Variants in IQSEC1 observed in about 807,000 individuals in gnomAD.
The protein encoded by IQSEC1 is IQ motif and Sec7 domain ArfGEF 1.
In IQSEC1, 31 loss-of-function variants were observed where a neutral mutation model predicts 91.0. That is an observed-to-expected ratio of 0.34 (90% confidence interval 0.26 to 0.46). IQSEC1 has a LOEUF of 0.46. IQSEC1 is among the 20% of genes least tolerant of loss of function. The pLI is 1.00. For synonymous variants in IQSEC1, 699 were observed against 662.6 expected (o/e 1.05, Z -0.84); for missense variants, 1,388 against 1,575.6 (o/e 0.88, Z 2.02).
chr3:12,906,763 C>G (rs1007355502), intron 12 of IQSEC1, among the ~76,000 whole-genome samples: 2 of 152,214 alleles, frequency 1.3e-5, no homozygotes, highest in Admixed American at 1.3e-4. Flanking sequence ...GGCCCTGGGG[C>G]GGATGGCGCT....
Position 12,900,150 on chromosome 3 carries a change from TTC to T in IQSEC1, c.*831_*832del, listed in dbSNP as rs1207286258. The T allele has an allele frequency of 8.0e-5, 78 of 972,826 alleles. No homozygotes were observed. In the African/African-American group the frequency reaches 9.3e-4, roughly 12 times the overall value. 60.3% of individuals were successfully genotyped at this position (972,826 alleles called of 1,614,324 possible). The stretch of plus-strand genomic sequence containing the variant: ...CATTATAATACTATTTATGATAGTA[TTC>T]TGTTAATAAAATAAGGATTTATACA... On this transcript the variant is annotated 3_prime_UTR_variant, in exon 14 of 14. Coordinates refer to ENST00000613206, the MANE Select transcript of IQSEC1 (RefSeq NM_001134382.3).
At chr3:13,160,838 T>G (rs1320146503) in intron 2 of IQSEC1, among the ~76,000 whole-genome samples, 1 of 152,214 alleles carries the variant, frequency 6.6e-6, no homozygotes, top group African/African-American at 2.4e-5. Context: ...GCTGGCACCA[T>G]CGAGCCACAA....
intron 1 of IQSEC1, among the ~76,000 whole-genome samples, chr3:13,049,742 A>C (rs527597347): frequency 4.5e-4 from 69 of 151,742 alleles, no homozygotes; most frequent in Admixed American, 1.8e-3. Context: ...TTTCCTAATA[A>C]TAGCAAATAT....
intron 1 of IQSEC1, among the ~76,000 whole-genome samples, chr3:13,233,417 C>A (rs1694868881): frequency 1.3e-5 from 2 of 152,218 alleles, no homozygotes; most frequent in African/African-American, 2.4e-5. Context: ...GGCTTCAGGC[C>A]CCTGTTCTGG....
At chr3:13,091,615 G>A (rs1020314715) in intron 2 of IQSEC1, among the ~76,000 whole-genome samples, 3 of 152,188 alleles carry the variant, frequency 2.0e-5, no homozygotes, top group Non-Finnish European at 4.4e-5. Context: ...AAGCCCAGGT[G>A]GGACGGGCCC....
At chr3:12,932,314 A>C (rs529446603) in intron 3 of IQSEC1, among the ~76,000 whole-genome samples, 2 of 152,168 alleles carry the variant, frequency 1.3e-5, no homozygotes, top group Non-Finnish European at 2.9e-5. Context: ...TCTGTCACCC[A>C]GTGAGGAGGT....
intron 7 of IQSEC1, 139 bp downstream of exon 7, chr3:12,915,455 A>G: frequency 4.5e-6 from 4 of 898,124 alleles, no homozygotes; most frequent in Non-Finnish European, 6.7e-6. Flanking sequence ...CACTCGAAAA[A>G]ACCCCAAGCC....
At chr3:12,948,393 C>CCA (rs1456356284) in intron 1 of IQSEC1, among the ~76,000 whole-genome samples, 6 of 152,212 alleles carry the variant, frequency 3.9e-5, no homozygotes, top group Admixed American at 6.5e-5. Context: ...GAGCCTGACC[C>CCA]CAGGGTGGAG....
At chr3:13,204,824 GA>G in intron 1 of IQSEC1, among the ~76,000 whole-genome samples, 1 of 142,826 alleles carries the variant, frequency 7.0e-6, no homozygotes, top group South Asian at 2.2e-4. Context: ...TTTTTTGACG[GA>G]ATTTCACTCT....
At position 12,936,061 on chromosome 3, in the gene IQSEC1, G is replaced by T; in HGVS notation, c.955C>A (p.Arg319=). 6.2e-7 allele frequency: 1 copy of T among 1,606,846 alleles called. No homozygotes were observed. The change falls in exon 3 of 14, where the codon CGG becomes AGG. Residue 319 remains arginine (R), a synonymous_variant. Coordinates refer to ENST00000613206, the MANE Select transcript of IQSEC1 (RefSeq NM_001134382.3). ...DRPSSTESDL[R]LRAGGAAPDY... is the part of the protein sequence containing the mutation. The stretch of plus-strand genomic sequence containing the variant: ...GGGGCTGCGCCCCCAGCCCGTAGCC[G>T]CAGGTCCGACTCGGTGCTGGACGGC...
rs773323104 is a variant in IQSEC1, at chr3:12,936,518, G to A, written c.498C>T (p.Ser166=). Residue 166 remains serine, a synonymous_variant, in exon 3 of 14, where the codon TCC becomes TCT. Coordinates refer to ENST00000613206, the MANE Select transcript of IQSEC1 (RefSeq NM_001134382.3). The stretch of plus-strand genomic sequence containing the variant: ...TGTGCACTTTCTCAGGCCCCTCAAA[G>A]GAGAACTGCATCCTCATGTTGGACA... The part of the protein sequence containing the change: ...IVLSNMRMQF[S]FEGPEKVHSS... 17 of 1,613,380 alleles carry A rather than the reference G, an allele frequency of 1.1e-5. No homozygotes were observed. The Admixed American group carries it at 2.8e-4, about 27-fold the overall frequency.
At chr3:13,113,561 C>T (rs1057467061) in intron 2 of IQSEC1, among the ~76,000 whole-genome samples, 21 of 142,628 alleles carry the variant, frequency 1.5e-4, no homozygotes, top group African/African-American at 5.3e-4. Flanking sequence ...TGGGCACTGC[C>T]CTGGGCATAG....
At chr3:12,923,959 C>A (rs897771688) in intron 4 of IQSEC1, among the ~76,000 whole-genome samples, 1 of 152,226 alleles carries the variant, frequency 6.6e-6, no homozygotes, top group Non-Finnish European at 1.5e-5. Flanking sequence ...GCTATGCTCA[C>A]CAGCTCTCTG....
Position 12,967,474 on chromosome 3 carries a change from C to T in IQSEC1, c.24-25609G>A. ...CATGGCGGCCGCAGTGGGAGCGGGCCGGGCCGGGAGCCGGGACCCAGGCCC... is the reference window on the plus strand; with the variant it reads ...CATGGCGGCCGCAGTGGGAGCGGGCTGGGCCGGGAGCCGGGACCCAGGCCC... On this transcript the variant is annotated intron_variant, in intron 1 of 13. Coordinates refer to ENST00000613206, the MANE Select transcript of IQSEC1 (RefSeq NM_001134382.3). This position sits in a 1 kb window ranked among gnomAD's most constrained non-coding sequence, Gnocchi z 5.9. 1 of 1,503,828 alleles carries T rather than the reference C, an allele frequency of 6.6e-7. No homozygotes were observed. 93.2% of individuals were successfully genotyped at this position (1,503,828 alleles called of 1,614,324 possible).
chr3:12,908,728 AGAGGGC>A lies in IQSEC1; in HGVS notation c.2579-209_2579-204del. Among the ~76,000 whole-genome samples, 1 of 152,194 alleles carries A rather than the reference AGAGGGC, an allele frequency of 6.6e-6. No individual in the cohort carries two copies. The highest frequency in any genetic ancestry group is 1.5e-5 in the Non-Finnish European group (1 of 67,994). The stretch of plus-strand genomic sequence containing the variant: ...TCCCAGGAGGGAGGCTAGAGAGACC[AGAGGGC>A]CTTGTGACCTGCAGGAAGGATAGTC... On this transcript the variant is annotated intron_variant, in intron 11 of 13. Coordinates refer to ENST00000613206, the MANE Select transcript of IQSEC1 (RefSeq NM_001134382.3). This position sits in a 1 kb window ranked among gnomAD's most constrained non-coding sequence, Gnocchi z 4.9.
chr3:13,042,949 G>A (rs1704339258), intron 1 of IQSEC1, among the ~76,000 whole-genome samples: 1 of 152,134 alleles, frequency 6.6e-6, no homozygotes, highest in African/African-American at 2.4e-5. Flanking sequence ...ATCCCTGTTC[G>A]GCCTGTGCGA....
intron 1 of IQSEC1, among the ~76,000 whole-genome samples, chr3:13,255,237 AAG>A (rs1369226741): frequency 6.6e-6 from 1 of 152,070 alleles, no homozygotes; most frequent in Admixed American, 6.5e-5. Context: ...TCTCCCCTAA[AAG>A]AGGCAGACCG....
rs140480659 is a variant in IQSEC1, at chr3:12,936,626, C to T, written c.390G>A (p.Ala130=). 677 of 1,611,934 alleles carry T rather than the reference C, an allele frequency of 4.2e-4. 1 individual carries two copies. The highest frequency in any genetic ancestry group is 1.0e-3 in the Admixed American group (61 of 59,908). ...TRHAARTIQT[A]FRQYQMNKNF... ...TCTTGTTCATCTGGTACTGGCGAAACGCCGTCTGGATGGTGCGGGCCGCAT... is the reference window on the plus strand; with the variant it reads ...TCTTGTTCATCTGGTACTGGCGAAATGCCGTCTGGATGGTGCGGGCCGCAT... The change falls in exon 3 of 14, where the codon GCG becomes GCA. Residue 130 remains alanine (A), a synonymous_variant. Transcript: ENST00000613206.
chr3:13,196,776 G>A (rs894143951), intron 1 of IQSEC1, among the ~76,000 whole-genome samples: 1 of 152,194 alleles, frequency 6.6e-6, no homozygotes, highest in East Asian at 1.9e-4. Context: ...GTGTGTGTGT[G>A]TGTGTGTGTG....
Sources: gnomAD v4.1 joint callset for allele counts (sites outside exome capture counted in the v4.1 genomes callset) on GRCh38, gnomAD v4.1.1 for gene constraint, Gnocchi (gnomAD v3.1) non-coding constraint, MANE v1.5 for transcripts, NCBI Gene and HGNC (gene_info 2026-07-23, HGNC 2026-07-21) for gene names.